The following KDM3A variants were observed in gnomAD, a reference collection of about 807,000 sequenced individuals.
The protein encoded by KDM3A is lysine demethylase 3A.
In KDM3A, 60 loss-of-function variants were observed where a neutral mutation model predicts 158.0. The observed-to-expected ratio is 0.38, with a 90% confidence interval of 0.31 to 0.47. The LOEUF (loss-of-function observed/expected upper bound fraction) is 0.47, where lower values mean the gene tolerates loss of function less well. Among genes scored for constraint, KDM3A ranks in the 20% least tolerant of loss-of-function variants. KDM3A has a pLI of 0.99. For synonymous variants in KDM3A, 608 were observed against 549.3 expected, an observed-to-expected ratio of 1.11 and a Z score of -1.49; for missense variants, 1,319 against 1,574.3, an observed-to-expected ratio of 0.84 and a Z score of 2.74.
chr2:86,480,078 C>T, intron 15 of KDM3A, 89 bp from the exon 16 acceptor site: 2 of 1,006,672 alleles, frequency 2.0e-6, no homozygotes, highest in Non-Finnish European at 3.1e-6. Context: ...ATTTATCTTA[C>T]TTGTTGGTCG....
chr2:86,466,657 C>T lies in KDM3A; in HGVS notation c.1293C>T (p.Ala431=). The T allele has an allele frequency of 6.2e-7, 1 of 1,613,934 alleles. No homozygotes were observed. Among genetic ancestry groups the T allele is most frequent in the Non-Finnish European group, 8.5e-7 (1 of 1,179,872 alleles). ...CTTCTAAGGCAGAATTGGAAATTGCCAATCCTCCTGAACTGCAGAAGCACC... is the reference window on the plus strand; with the variant it reads ...CTTCTAAGGCAGAATTGGAAATTGCTAATCCTCCTGAACTGCAGAAGCACC... ...KASSKAELEI[A]NPPELQKHLE... is the part of the protein sequence containing the mutation. The change falls in exon 10 of 26, where the codon GCC becomes GCT. Residue 431 remains alanine, a synonymous_variant. Transcript: ENST00000312912.
chr2:86,478,574 C>T (rs377387652), intron 14 of KDM3A, 34 bp from the exon 15 acceptor site: 334 of 1,610,332 alleles, frequency 2.1e-4, no homozygotes, highest in Non-Finnish European at 2.7e-4. Flanking sequence ...TCCTAATATC[C>T]TTGTTCAGAT....
At position 86,466,822 on chromosome 2, in the gene KDM3A, A is replaced by C; in HGVS notation, c.1458A>C (p.Glu486Asp). The C allele has an allele frequency of 3.1e-6, 5 of 1,612,410 alleles. No homozygotes were observed. Among genetic ancestry groups the C allele is most frequent in the Non-Finnish European group, 4.2e-6 (5 of 1,179,294 alleles). Residue 486 changes from glutamate to aspartate, a missense_variant, in exon 10 of 26, where the codon GAA (glutamate) becomes GAC (aspartate). Coordinates refer to ENST00000312912, the MANE Select transcript of KDM3A (RefSeq NM_018433.6). ...ALACRSQNLK[E>D]SSVKVDNESC... is the part of the protein sequence containing the mutation. ...CTTGCCGATCACAGAATTTAAAGGAATCTTCAGTAAAAGTAGATAATGAAA... is the reference window on the plus strand; with the variant it reads ...CTTGCCGATCACAGAATTTAAAGGACTCTTCAGTAAAAGTAGATAATGAAA...
intron 6 of KDM3A, 78 bp from the exon 7 acceptor site, chr2:86,456,727 T>G: frequency 7.7e-7 from 1 of 1,305,898 alleles, no homozygotes; most frequent in Admixed American, 1.8e-5. Context: ...CTCCTATTGT[T>G]ATGTTAATGA....
At position 86,455,124 on chromosome 2, in the gene KDM3A, A is replaced by G. The variant is rs1444828857; in HGVS notation, c.493A>G (p.Ile165Val). Residue 165 changes from isoleucine to valine, a missense_variant, in exon 5 of 26, where the codon ATT (isoleucine) becomes GTT (valine). Physicochemically the swap from Ile to Val is conservative, Grantham distance 29 (BLOSUM62 3). Transcript: ENST00000312912. Reference protein sequence around the residue: ...SLRLSLTDNQIVSKEFQALIV... With the variant: ...SLRLSLTDNQVVSKEFQALIV... ...TCGACTTTCTCTTACGGATAATCAG[A>G]TTGTCAGTAAAGAATTTCAAGCTTT... 6.2e-6 allele frequency: 10 copies of G among 1,604,590 alleles called. No homozygotes were observed. The highest frequency in any genetic ancestry group is 2.2e-5 in the East Asian group (1 of 44,670).
At chr2:86,443,664 C>G (rs951422292) in intron 2 of KDM3A, 2 of 152,298 alleles carry the variant, frequency 1.3e-5, no homozygotes, top group Non-Finnish European at 2.9e-5. Context: ...AAGTTTTACT[C>G]CAGAAGCTGC....
At chr2:86,482,433 G>A in intron 17 of KDM3A, 25 bp from the exon 18 acceptor site, 1 of 1,608,530 alleles carries the variant, frequency 6.2e-7, no homozygotes, top group South Asian at 1.1e-5. Context: ...ACATATTTGA[G>A]ACTTTTGTTC....
chr2:86,480,171 C>G lies in KDM3A; in HGVS notation c.2321C>G (p.Ser774Cys), dbSNP rs779100439. Residue 774 changes from serine (S) to cysteine (C), a missense_variant, in exon 16 of 26, where the codon TCT (serine) becomes TGT (cysteine). Coordinates refer to ENST00000312912, the MANE Select transcript of KDM3A (RefSeq NM_018433.6). ...GTCCTTTAATGCTTAACACAGACTT[C>G]TTTAGCTGGAGAAAAACCGACTCTT... ...PASKEDLKQT[S>C]LAGEKPTLGA... 1.2e-6 allele frequency: 2 copies of G among 1,611,658 alleles called. No individual in the cohort carries two copies. The highest frequency in any genetic ancestry group is 1.1e-5 in the South Asian group (1 of 90,996).
rs1673952036 is a variant in KDM3A at position 86,481,977 on chromosome 2, C to T, written c.2560C>T (p.Pro854Ser). The T allele has an allele frequency of 6.2e-7, 1 of 1,613,898 alleles. No individual in the cohort carries two copies. The highest frequency in any genetic ancestry group is 1.3e-5 in the African/African-American group (1 of 75,026). Residue 854 changes from proline (P) to serine (S), a missense_variant, in exon 17 of 26, where the codon CCA (proline) becomes TCA (serine). Transcript: ENST00000312912. Reference protein sequence around the residue: ...PILKNEIKCLPPLPPLSKSST... With the variant: ...PILKNEIKCLSPLPPLSKSST... ...TTTAAAGAATGAAATCAAATGCCTT[C>T]CACCCCTCCCACCTTTAAGCAAATC...
intron 2 of KDM3A, among the ~76,000 whole-genome samples, chr2:86,448,874 TGAA>T (rs1683054483): frequency 6.6e-6 from 1 of 152,170 alleles, no homozygotes; most frequent in Non-Finnish European, 1.5e-5. Context: ...CAAAAAGCAT[TGAA>T]GAGGACCTAG....
chr2:86,457,686 AGG>A (rs1672764303), intron 8 of KDM3A, among the ~76,000 whole-genome samples: 2 of 152,222 alleles, frequency 1.3e-5, no homozygotes, highest in South Asian at 4.1e-4. Context: ...AAAAGAGGGA[AGG>A]AGCCTTAGAA....
intron 25 of KDM3A, 47 bp downstream of exon 25, chr2:86,491,322 T>C: frequency 6.4e-7 from 1 of 1,572,256 alleles, no homozygotes; most frequent in Non-Finnish European, 8.7e-7. Flanking sequence ...TGGCTATGGC[T>C]TCATGGCCCA....
chr2:86,438,593 A>G (rs1010654051), upstream of KDM3A, among the ~76,000 whole-genome samples: 1 of 152,022 alleles, frequency 6.6e-6, no homozygotes, highest in Non-Finnish European at 1.5e-5. Context: ...CCAAAACATC[A>G]TATTGTACAC....
At chr2:86,450,984 A>G in intron 3 of KDM3A, 119 bp from the exon 4 acceptor site, 1 of 592,300 alleles carries the variant, frequency 1.7e-6, no homozygotes, top group Non-Finnish European at 3.0e-6. Context: ...GATAACTTGC[A>G]GTAAATAAAA....
chr2:86,461,786 C>T (rs1442805900), intron 8 of KDM3A, among the ~76,000 whole-genome samples: 6 of 151,832 alleles, frequency 4.0e-5, no homozygotes, highest in Non-Finnish European at 8.8e-5. Context: ...ACGATGTAGC[C>T]AGAGAGATAA....
intron 11 of KDM3A, among the ~76,000 whole-genome samples, chr2:86,471,408 A>G (rs375383582): frequency 6.6e-6 from 1 of 151,852 alleles, no homozygotes; most frequent in African/African-American, 2.4e-5. Flanking sequence ...TATTTTCAAA[A>G]TCATTTTCTT....
intron 23 of KDM3A, chr2:86,490,490 T>TA (rs1020710703): frequency 5.7e-5 from 9 of 158,380 alleles, no homozygotes; most frequent in Non-Finnish European, 9.7e-5. Flanking sequence ...TAAACAAGTC[T>TA]AATCTGCAGC....
At position 86,492,667 on chromosome 2, in the gene KDM3A, T is replaced by G. The variant is rs1674512793; in HGVS notation, c.*548T>G. On this transcript the variant is annotated 3_prime_UTR_variant, in exon 26 of 26. Transcript: ENST00000312912. Reference sequence around the variant, plus strand: ...AATGGAATTTTAATTTAAATGACGCTTTGCTAATTTTAAGTGTTAAGCATT... The same window carrying G: ...AATGGAATTTTAATTTAAATGACGCGTTGCTAATTTTAAGTGTTAAGCATT... 1 of 152,620 alleles carries G rather than the reference T, an allele frequency of 6.6e-6. No individual in the cohort carries two copies. The highest frequency in any genetic ancestry group is 2.4e-5 in the African/African-American group (1 of 41,452). The allele number at this position is 152,620 out of a possible 1,614,324, so 9.5% of individuals were successfully genotyped here.
chr2:86,459,463 T>C (rs1036612124), intron 8 of KDM3A, among the ~76,000 whole-genome samples: 8 of 151,944 alleles, frequency 5.3e-5, no homozygotes, highest in African/African-American at 1.5e-4. Context: ...TCAGTGTAAA[T>C]TGGGAGTATG....
Sources: gnomAD v4.1 joint callset for allele counts (sites outside exome capture counted in the v4.1 genomes callset) on GRCh38, gnomAD v4.1.1 for gene constraint, MANE v1.5 for transcripts, NCBI Gene and HGNC (gene_info 2026-07-23, HGNC 2026-07-21) for gene names.